Variants in DRICH1 observed in about 807,000 individuals in gnomAD.
The protein encoded by DRICH1 is aspartate-rich protein 1.
Under a neutral mutation model 39.5 loss-of-function variants are expected in DRICH1, and 38 were observed. The observed-to-expected ratio is 0.96, with a 90% CI of 0.74 to 1.26. DRICH1 has a LOEUF of 1.26. Ranked by LOEUF, DRICH1 falls within the 50% of genes most tolerant of loss-of-function variation. The probability of loss-of-function intolerance (pLI) is 0.00; values close to 1 mark genes in which losing one functional copy is unlikely to be tolerated. For missense variants in DRICH1, 279 were observed against 270.4 expected (o/e 1.03, Z -0.22); for synonymous variants, 84 against 99.5 (o/e 0.84, Z 0.93).
intron 4 of DRICH1, among the ~76,000 whole-genome samples, chr22:23,621,663 C>A (rs1302793351): frequency 6.6e-6 from 1 of 152,096 alleles, no homozygotes; most frequent in East Asian, 1.9e-4. Context: ...CCTGTAATAC[C>A]AGCACTTTCG....
chr22:23,617,414 T>C (rs1332769609), intron 7 of DRICH1, among the ~76,000 whole-genome samples, 161 bp downstream of exon 7: 3 of 152,182 alleles, frequency 2.0e-5, no homozygotes, highest in Non-Finnish European at 2.9e-5. Context: ...AGGCTCCTGC[T>C]TGGATTGGCA....
At chr22:23,631,046 G>A (rs1023477028) in intron 1 of DRICH1, 2 of 152,076 alleles carry the variant, frequency 1.3e-5, no homozygotes, top group Non-Finnish European at 2.9e-5. Flanking sequence ...GGGTTGACAG[G>A]TGCAGCAAAC....
the DRICH1 span, among the ~76,000 whole-genome samples, chr22:23,600,163 G>A: frequency 6.6e-6 from 1 of 152,170 alleles, no homozygotes; most frequent in Non-Finnish European, 1.5e-5. Context: ...GTGCTTCCAG[G>A]TACTTTGTCA....
At chr22:23,592,445 C>T in the DRICH1 span, among the ~76,000 whole-genome samples, 6 of 151,930 alleles carry the variant, frequency 3.9e-5, no homozygotes, top group Admixed American at 1.3e-4. Flanking sequence ...GTTTTTGAAT[C>T]CAGGCTTAAG....
chr22:23,598,128 A>C, the DRICH1 span, among the ~76,000 whole-genome samples: 3 of 139,450 alleles, frequency 2.2e-5, no homozygotes, highest in Non-Finnish European at 4.7e-5. Flanking sequence ...CCCTACTCTC[A>C]CCTCAGACCT....
At chr22:23,585,556 C>T in the DRICH1 span, among the ~76,000 whole-genome samples, 2 of 152,018 alleles carry the variant, frequency 1.3e-5, no homozygotes, top group Admixed American at 6.6e-5. Flanking sequence ...GTCTCACTGT[C>T]ACCCAGGCTG....
intron 3 of DRICH1, chr22:23,624,104 C>T (rs1602346944): frequency 4.1e-6 from 4 of 985,100 alleles, no homozygotes; most frequent in African/African-American, 1.7e-5. Flanking sequence ...TGTCTTGATA[C>T]CAGAGGTAAA....
chr22:23,610,817 CTT>C (rs564389276), intron 11 of DRICH1, among the ~76,000 whole-genome samples: 1 of 143,080 alleles, frequency 7.0e-6, no homozygotes, highest in African/African-American at 2.5e-5. Context: ...TAAAAGCACT[CTT>C]TTTTTTTTTT....
downstream of DRICH1, among the ~76,000 whole-genome samples, chr22:23,606,757 T>A (rs1199359566): frequency 6.6e-6 from 1 of 152,190 alleles, no homozygotes; most frequent in Non-Finnish European, 1.5e-5. Flanking sequence ...TGTGCCCTGC[T>A]ACGGCAGATG....
chr22:23,595,160 A>G, the DRICH1 span, among the ~76,000 whole-genome samples: 21,614 of 137,316 alleles, frequency 0.16, 1,532 homozygotes, highest in African/African-American at 0.23. Flanking sequence ...TAAGAACTGG[A>G]CCTCCTCCTA....
At chr22:23,629,525 A>T (rs1602353781) in intron 1 of DRICH1, among the ~76,000 whole-genome samples, 1 of 152,288 alleles carries the variant, frequency 6.6e-6, no homozygotes, top group East Asian at 1.9e-4. Flanking sequence ...AATGAGGGTG[A>T]TCGGCACCAG....
intron 11 of DRICH1, among the ~76,000 whole-genome samples, chr22:23,609,581 G>C (rs1926923556): frequency 6.6e-6 from 1 of 152,146 alleles, no homozygotes; most frequent in South Asian, 2.1e-4. Context: ...TTGTGCAGGT[G>C]TCAGCAGGGA....
At position 23,617,566 on chromosome 22, in the gene DRICH1, T is replaced by C. The variant is rs775342688; in HGVS notation, c.519+9A>G. The stretch of plus-strand genomic sequence containing the variant: ...CATTTCCTTAGAAGACAAAGAAAGG[T>C]TGTCTTACCTGGGCATCATCATCAT... On this transcript the variant is annotated intron_variant, in intron 7 of 11. Coordinates refer to ENST00000317749, the MANE Select transcript of DRICH1 (RefSeq NM_016449.4). 6.2e-7 allele frequency: 1 copy of C among 1,613,604 alleles called. No homozygotes were observed.
the DRICH1 span, among the ~76,000 whole-genome samples, chr22:23,584,795 T>A: frequency 6.6e-6 from 1 of 152,330 alleles, no homozygotes; most frequent in African/African-American, 2.4e-5. Context: ...TTGTGAAAAT[T>A]AAACAACAGT....
chr22:23,622,889 A>C (rs1927843479), intron 3 of DRICH1, among the ~76,000 whole-genome samples: 1 of 152,110 alleles, frequency 6.6e-6, no homozygotes. Flanking sequence ...CTCTAACTAC[A>C]CCAGTGAATC....
chr22:23,591,734 T>C, the DRICH1 span, among the ~76,000 whole-genome samples: 1 of 152,154 alleles, frequency 6.6e-6, no homozygotes, highest in African/African-American at 2.4e-5. Flanking sequence ...GCGAAATCAT[T>C]GTTTTTAGGA....
downstream of DRICH1, chr22:23,606,955 T>C (rs1926764381): frequency 6.5e-6 from 1 of 152,712 alleles, no homozygotes; most frequent in Admixed American, 6.5e-5. Context: ...CAAGTTGCTC[T>C]GCAAAATCCT....
intron 2 of DRICH1, among the ~76,000 whole-genome samples, chr22:23,625,458 T>C (rs1928003339): frequency 6.6e-6 from 1 of 152,072 alleles, no homozygotes; most frequent in African/African-American, 2.4e-5. Flanking sequence ...GGATGGGCAA[T>C]GCCTGCTTGT....
At chr22:23,620,243 T>C (rs1050968655) in intron 5 of DRICH1, among the ~76,000 whole-genome samples, 15 of 152,124 alleles carry the variant, frequency 9.9e-5, no homozygotes, top group African/African-American at 3.6e-4. Flanking sequence ...GGAAATGCTG[T>C]TTTATTAGAT....
Sources: allele counts gnomAD v4.1 joint callset (sites outside exome capture counted in the v4.1 genomes callset), GRCh38; gene constraint gnomAD v4.1.1; transcripts MANE v1.5; gene names NCBI Gene and HGNC (gene_info 2026-07-23, HGNC 2026-07-21).